Variants in MIGA1 observed in about 807,000 individuals in gnomAD.
MIGA1 encodes the protein mitoguardin 1.
A neutral mutation model predicts 82.0 loss-of-function variants in MIGA1; 58 were observed. The ratio of observed to expected loss-of-function variants is 0.71; its 90% CI spans 0.57 to 0.88. MIGA1 has a LOEUF of 0.88. Among genes scored for constraint, MIGA1 ranks in the 40% least tolerant of loss-of-function variants. The pLI is 0.00. For synonymous variants in MIGA1, 249 were observed against 253.6 expected (o/e 0.98, Z 0.17); for missense variants, 751 against 749.1 (o/e 1.00, Z -0.03).
chr1:77,790,990 T>G (rs957767833), intron 2 of MIGA1, among the ~76,000 whole-genome samples: 1 of 152,248 alleles, frequency 6.6e-6, no homozygotes. Context: ...GGTTTATTCC[T>G]GTAATCCCAG....
chr1:77,871,338 C>T (rs1440540908), intron 14 of MIGA1, among the ~76,000 whole-genome samples: 3 of 151,976 alleles, frequency 2.0e-5, no homozygotes, highest in Non-Finnish European at 4.4e-5. Flanking sequence ...CCCGTCTCTA[C>T]TAAAAACTCA....
chr1:77,842,575 C>T (rs1684666536), intron 7 of MIGA1, among the ~76,000 whole-genome samples: 1 of 152,070 alleles, frequency 6.6e-6, no homozygotes, highest in Admixed American at 6.5e-5. Context: ...TGAGACGGAG[C>T]CTTGATCTGT....
chr1:77,820,841 T>C (rs900895310), intron 7 of MIGA1, among the ~76,000 whole-genome samples: 5 of 152,116 alleles, frequency 3.3e-5, no homozygotes, highest in East Asian at 1.9e-4. Flanking sequence ...AACTATAAAT[T>C]CTGGACATTA....
chr1:77,791,642 C>G (rs965666283), intron 2 of MIGA1, among the ~76,000 whole-genome samples: 4 of 147,186 alleles, frequency 2.7e-5, no homozygotes, highest in South Asian at 2.2e-4. Flanking sequence ...TGGCTCATTG[C>G]AACCTCAGTC....
chr1:77,818,078 C>T (rs943869737), intron 7 of MIGA1, among the ~76,000 whole-genome samples: 7 of 151,422 alleles, frequency 4.6e-5, no homozygotes, highest in Non-Finnish European at 1.0e-4. Flanking sequence ...ACCCCACCCT[C>T]CTGAGTAGCT....
chr1:77,865,367 G>C (rs1241079141), intron 13 of MIGA1, among the ~76,000 whole-genome samples: 2 of 152,082 alleles, frequency 1.3e-5, no homozygotes, highest in Non-Finnish European at 2.9e-5. Context: ...GAAGCAGGCC[G>C]ATTACTTGAG....
At chr1:77,819,519 G>T (rs903244131) in intron 7 of MIGA1, among the ~76,000 whole-genome samples, 1 of 151,790 alleles carries the variant, frequency 6.6e-6, no homozygotes, top group Admixed American at 6.6e-5. Context: ...CCTGACCTCA[G>T]GTGATCCACC....
At chr1:77,844,789 C>T (rs1684774687) in intron 8 of MIGA1, among the ~76,000 whole-genome samples, 1 of 152,050 alleles carries the variant, frequency 6.6e-6, no homozygotes, top group Admixed American at 6.6e-5. Context: ...TGAGACCAGC[C>T]TGGTCAATAT....
In MIGA1 at chr1:77,876,801, CAAAT is replaced by C. The variant is rs1036333382; in HGVS notation, c.*1738_*1741del. 4 of 152,202 alleles carry C rather than the reference CAAAT, an allele frequency of 2.6e-5. No homozygotes were observed. The highest frequency in any genetic ancestry group is 7.2e-5 in the African/African-American group (3 of 41,532). The allele number at this position is 152,202 out of a possible 1,614,324, so 9.4% of individuals were successfully genotyped here. A position where few individuals can be genotyped will look rare whatever the true frequency, so the allele number is the denominator to read the frequency against. On this transcript the variant is annotated 3_prime_UTR_variant, in exon 16 of 16. Transcript: ENST00000370791. ...ATGTTCATTATGATAAATCTACAAA[CAAAT>C]GAATTGTTTTTATGGGTGGAGTTCT... is the stretch of plus-strand genomic sequence containing the variant.
At chr1:77,788,857 GTTC>G (rs1244628451) in intron 2 of MIGA1, among the ~76,000 whole-genome samples, 2 of 152,166 alleles carry the variant, frequency 1.3e-5, no homozygotes, top group East Asian at 1.9e-4. Context: ...CTCCAGCTTT[GTTC>G]TTCTTTTTCA....
At chr1:77,858,423 T>G (rs928935981) in intron 8 of MIGA1, among the ~76,000 whole-genome samples, 2 of 152,222 alleles carry the variant, frequency 1.3e-5, no homozygotes, top group Non-Finnish European at 2.9e-5. Flanking sequence ...GAACTAAGCT[T>G]GTTAAAAGTT....
rs987704200 is a variant in MIGA1 at position 77,875,188 on chromosome 1, C to G, written c.*124C>G. On this transcript the variant is annotated 3_prime_UTR_variant, in exon 16 of 16. Transcript: ENST00000370791. ...GTGGATTCAGGGAGGAAAAAAAAAT[C>G]TACTAAAAAATGAGCAACTGTACTG... 2 of 766,292 alleles carry G rather than the reference C, an allele frequency of 2.6e-6. No individual in the cohort carries two copies. Among genetic ancestry groups the G allele is most frequent in the East Asian group, 2.7e-5 (1 of 37,052 alleles). The allele number at this position is 766,292 out of a possible 1,614,324, so 47.5% of individuals were successfully genotyped here. A position where few individuals can be genotyped will look rare whatever the true frequency, so the allele number is the denominator to read the frequency against.
chr1:77,862,369 C>T (rs990751183), intron 12 of MIGA1, among the ~76,000 whole-genome samples: 1 of 151,514 alleles, frequency 6.6e-6, no homozygotes, highest in East Asian at 2.0e-4. Flanking sequence ...ATTGCTTGAA[C>T]CTGGGAGGTG....
At chr1:77,872,025 T>C (rs1646845020) in intron 14 of MIGA1, among the ~76,000 whole-genome samples, 1 of 152,168 alleles carries the variant, frequency 6.6e-6, no homozygotes, top group Non-Finnish European at 1.5e-5. Flanking sequence ...TGGAGTACAG[T>C]GGCATTATCT....
chr1:77,821,342 T>G (rs1683799976), intron 7 of MIGA1, among the ~76,000 whole-genome samples: 1 of 152,032 alleles, frequency 6.6e-6, no homozygotes. Flanking sequence ...TTATTCTTAC[T>G]AAATTGTTAG....
chr1:77,869,989 T>C (rs868178209), intron 14 of MIGA1, among the ~76,000 whole-genome samples: 29 of 101,386 alleles, frequency 2.9e-4, no homozygotes, highest in Middle Eastern at 6.0e-3. Flanking sequence ...CCCTCCCGGA[T>C]GGGGCGACTG....
At chr1:77,785,127 A>G (rs1443158969) in intron 2 of MIGA1, among the ~76,000 whole-genome samples, 1 of 152,204 alleles carries the variant, frequency 6.6e-6, no homozygotes, top group Non-Finnish European at 1.5e-5. Context: ...GACTCATTTC[A>G]GCATTAACTC....
intron 2 of MIGA1, among the ~76,000 whole-genome samples, chr1:77,795,993 T>C (rs747115304): frequency 2.0e-5 from 3 of 152,132 alleles, no homozygotes; most frequent in Middle Eastern, 3.2e-3. Context: ...TATTCAGCAG[T>C]GAGACACCTG....
chr1:77,825,650 C>T (rs1684001557), intron 7 of MIGA1, among the ~76,000 whole-genome samples: 1 of 152,054 alleles, frequency 6.6e-6, no homozygotes, highest in African/African-American at 2.4e-5. Context: ...TGTAAATTTC[C>T]ATTATTGTGC....
Sources: allele counts gnomAD v4.1 joint callset (sites outside exome capture counted in the v4.1 genomes callset), GRCh38; gene constraint gnomAD v4.1.1; transcripts MANE v1.5; gene names NCBI Gene and HGNC (gene_info 2026-07-23, HGNC 2026-07-21).